ANK3: variants seen among roughly 807,000 people sequenced by gnomAD.
ANK3 encodes ankyrin-3.
A neutral mutation model predicts 370.9 loss-of-function variants in ANK3; 57 were observed. The observed-to-expected ratio is 0.15, with a 90% CI of 0.12 to 0.19. ANK3 has a LOEUF of 0.19. Ranked by LOEUF, ANK3 falls within the 10% of genes least tolerant of loss-of-function variation. ANK3 has a pLI of 1.00. For synonymous variants in ANK3, 1,929 were observed against 1,946.3 expected (o/e 0.99, Z 0.23); for missense variants, 4,439 against 5,302.1 (o/e 0.84, Z 5.06).
At chr10:60,187,624 T>C (rs2096377927) in intron 16 of ANK3, among the ~76,000 whole-genome samples, 1 of 152,208 alleles carries the variant, frequency 6.6e-6, no homozygotes, top group Non-Finnish European at 1.5e-5. Context: ...CACTAGGGCA[T>C]GTTCAGAGCC....
At chr10:60,141,497 GA>G (rs571980701) in intron 23 of ANK3, among the ~76,000 whole-genome samples, 1 of 146,758 alleles carries the variant, frequency 6.8e-6, no homozygotes, top group Non-Finnish European at 1.5e-5. Context: ...GGCAGTGAAG[GA>G]AAAAACTAGC....
At chr10:60,613,306 G>T (rs2078225446) in intron 2 of ANK3, among the ~76,000 whole-genome samples, 1 of 151,968 alleles carries the variant, frequency 6.6e-6, no homozygotes, top group Non-Finnish European at 1.5e-5. Flanking sequence ...AATGAGTTTG[G>T]GATAAGACCT....
chr10:60,042,011 C>T (rs530866852), intron 43 of ANK3, among the ~76,000 whole-genome samples: 1 of 152,272 alleles, frequency 6.6e-6, no homozygotes, highest in East Asian at 1.9e-4. Context: ...TTCTTTTTCA[C>T]CCCATATGGC....
chr10:60,576,202 T>C (rs949277848), intron 2 of ANK3, among the ~76,000 whole-genome samples: 1 of 152,212 alleles, frequency 6.6e-6, no homozygotes, highest in African/African-American at 2.4e-5. Context: ...TGGATTATAA[T>C]GTTCCCACAC....
At chr10:60,621,363 T>C (rs1281555821) in intron 1 of ANK3, among the ~76,000 whole-genome samples, 1 of 152,236 alleles carries the variant, frequency 6.6e-6, no homozygotes, top group Non-Finnish European at 1.5e-5. Flanking sequence ...ACATTTTATT[T>C]TTAATTTCCT....
At chr10:60,313,931 T>TTTTTGTTTG (rs1320855580) in intron 1 of ANK3, among the ~76,000 whole-genome samples, 14 of 150,860 alleles carry the variant, frequency 9.3e-5, no homozygotes, top group African/African-American at 3.2e-4. Context: ...TGTTTTTGTT[T>TTTTTGTTTG]TTTTTTTTTT....
intron 8 of ANK3, among the ~76,000 whole-genome samples, chr10:60,228,532 CAAA>C (rs72450397): frequency 4.2e-5 from 4 of 94,918 alleles, no homozygotes; most frequent in Admixed American, 1.3e-4. Context: ...ACTGTGTCTC[CAAA>C]AAAAAAAAAA....
chr10:60,625,412 G>T (rs972319196), intron 1 of ANK3, among the ~76,000 whole-genome samples: 1 of 152,146 alleles, frequency 6.6e-6, no homozygotes, highest in African/African-American at 2.4e-5. Context: ...ATTGTCCCTA[G>T]CTAATTTCTT....
At chr10:60,665,571 C>T (rs1467515971) in intron 1 of ANK3, among the ~76,000 whole-genome samples, 2 of 152,182 alleles carry the variant, frequency 1.3e-5, no homozygotes, top group African/African-American at 4.8e-5. Flanking sequence ...TACTTAAACT[C>T]AAACTTGGAC....
At chr10:60,120,770 A>G (rs530654166) in intron 25 of ANK3, among the ~76,000 whole-genome samples, 2 of 152,360 alleles carry the variant, frequency 1.3e-5, no homozygotes, top group South Asian at 4.1e-4. Context: ...CCAGAATGAG[A>G]TATCATCTCA....
chr10:60,326,175 G>T (rs971164857), intron 1 of ANK3, among the ~76,000 whole-genome samples: 2 of 151,918 alleles, frequency 1.3e-5, no homozygotes, highest in African/African-American at 4.8e-5. Context: ...ACCACCAATG[G>T]GTACTAGGTT....
intron 2 of ANK3, among the ~76,000 whole-genome samples, chr10:60,562,509 G>A (rs913079036): frequency 5.9e-5 from 9 of 152,092 alleles, no homozygotes; most frequent in African/African-American, 2.2e-4. Flanking sequence ...TGCCTTCCAG[G>A]TTCCAGCGAT....
At chr10:60,054,614 G>A (rs149344508) in intron 42 of ANK3, among the ~76,000 whole-genome samples, 1 of 152,314 alleles carries the variant, frequency 6.6e-6, no homozygotes, top group Non-Finnish European at 1.5e-5. Context: ...AAGGGAATAG[G>A]AAAGGATGTG....
chr10:60,354,915 C>T (rs966773867), intron 1 of ANK3, among the ~76,000 whole-genome samples: 3 of 152,106 alleles, frequency 2.0e-5, no homozygotes, highest in African/African-American at 7.2e-5. Context: ...GAGAATTCCA[C>T]ATTTGGTATT....
At chr10:60,491,646 T>C (rs2133121804) in intron 2 of ANK3, among the ~76,000 whole-genome samples, 1 of 152,292 alleles carries the variant, frequency 6.6e-6, no homozygotes, top group South Asian at 2.1e-4. Context: ...TGCAGTAAAA[T>C]ATCTTAAGTG....
intron 16 of ANK3, among the ~76,000 whole-genome samples, chr10:60,187,922 C>G (rs1245350311): frequency 1.3e-5 from 2 of 152,170 alleles, no homozygotes; most frequent in African/African-American, 2.4e-5. Context: ...GTCACACCCT[C>G]CATGAGGTTT....
chr10:60,337,026 TA>T (rs35493873), intron 1 of ANK3, among the ~76,000 whole-genome samples: 45 of 149,070 alleles, frequency 3.0e-4, no homozygotes, highest in Middle Eastern at 3.5e-3. Flanking sequence ...AAAAAGGCTT[TA>T]AAAAAAAAAA....
chr10:60,142,920 A>G (rs1368236845), intron 23 of ANK3, among the ~76,000 whole-genome samples: 1 of 152,156 alleles, frequency 6.6e-6, no homozygotes, highest in Non-Finnish European at 1.5e-5. Flanking sequence ...TTGAAATACC[A>G]TTTAACTGCT....
intron 18 of ANK3, among the ~76,000 whole-genome samples, chr10:60,176,587 C>A (rs1341028959): frequency 1.3e-5 from 2 of 151,852 alleles, no homozygotes; most frequent in African/African-American, 4.8e-5. Context: ...TATGGCAAAA[C>A]CCTGTCTCTA....
Sources: gnomAD v4.1 joint callset for allele counts (sites outside exome capture counted in the v4.1 genomes callset) on GRCh38, gnomAD v4.1.1 for gene constraint, MANE v1.5 for transcripts, NCBI Gene and HGNC (gene_info 2026-07-23, HGNC 2026-07-21) for gene names.